The following FREM3 variants were observed in gnomAD, a reference collection of about 807,000 sequenced individuals.
FREM3 encodes FRAS1-related extracellular matrix protein 3.
In FREM3, 105 loss-of-function variants were observed where a neutral mutation model predicts 129.1. The ratio of observed to expected loss-of-function variants is 0.81; its 90% CI spans 0.69 to 0.96. The LOEUF is 0.96. Among genes scored for constraint, FREM3 ranks in the 40% least tolerant of loss-of-function variants. The pLI is 0.00. For synonymous variants in FREM3, 1,014 were observed against 1,044.9 expected, an observed-to-expected ratio of 0.97 and a Z score of 0.57; for missense variants, 2,593 against 2,666.3, an observed-to-expected ratio of 0.97 and a Z score of 0.61.
rs1194032908 is a variant in FREM3, at chr4:143,698,102, G to A, written c.2574C>T (p.Asp858=). 2.0e-6 allele frequency: 3 copies of A among 1,537,320 alleles called. No homozygotes were observed. Among genetic ancestry groups the A allele is most frequent in the African/African-American group, 1.4e-5 (1 of 73,050 alleles). The change falls in exon 1 of 8, where the codon GAC becomes GAT. Residue 858 remains aspartate, a synonymous_variant. Transcript: ENST00000329798. ...SSNELHVTDP[D]TDIDQIVFIL... is the part of the protein sequence containing the mutation. ...TGAAGACAATTTGGTCAATGTCTGT[G>A]TCTGGGTCTGTAACATGCAGCTCAT...
In FREM3 at chr4:143,577,749, G is replaced by A. The variant is rs1738065860; in HGVS notation, c.6282C>T (p.Thr2094=). 2.6e-6 allele frequency: 4 copies of A among 1,537,330 alleles called. No homozygotes were observed. The highest frequency in any genetic ancestry group is 2.6e-6 in the Non-Finnish European group (3 of 1,146,918). The change falls in exon 8 of 8, where the codon ACC becomes ACT. Residue 2094 remains threonine, a synonymous_variant. Transcript: ENST00000329798. ...ATTCAAACTTCTCTGGGCCTTCCAAGGTAGGCTGTCCCAGGTCATCAAGGA... is the reference window on the plus strand; with the variant it reads ...ATTCAAACTTCTCTGGGCCTTCCAAAGTAGGCTGTCCCAGGTCATCAAGGA... ...VTILDDLGQP[T]LEGPEKFELL...
Position 143,698,768 on chromosome 4 carries a change from C to T in FREM3, c.1908G>A (p.Gly636=), listed in dbSNP as rs72940301. 30,600 of 1,537,436 alleles carry T rather than the reference C, an allele frequency of 0.02. 2,425 individuals are homozygous for T. The highest frequency in any genetic ancestry group is 0.19 in the African/African-American group (14,067 of 73,076). ...ACTCAGTCACCACTTTCTCATAAAGCCCTTCCTTTTCCATGTAGTGCCAGT... is the reference window on the plus strand; with the variant it reads ...ACTCAGTCACCACTTTCTCATAAAGTCCTTCCTTTTCCATGTAGTGCCAGT... The part of the protein sequence containing the change: ...DEDWHYMEKE[G]LYEKVVTEWL... Residue 636 remains glycine (G), a synonymous_variant, in exon 1 of 8, where the codon GGG becomes GGA. Coordinates refer to ENST00000329798, the MANE Select transcript of FREM3 (RefSeq NM_001168235.2).
chr4:143,581,192 C>T (rs1249801224), intron 7 of FREM3, among the ~76,000 whole-genome samples: 1 of 152,204 alleles, frequency 6.6e-6, no homozygotes, highest in Admixed American at 6.5e-5. Flanking sequence ...TGGGTAGGGC[C>T]TCTTGATCTG....
chr4:143,698,273 C>G lies in FREM3; in HGVS notation c.2403G>C (p.Gln801His). The change falls in exon 1 of 8, where the codon CAG (glutamine) becomes CAC (histidine). Residue 801 changes from glutamine (Q) to histidine (H), a missense_variant. Physicochemically the swap from Gln to His is conservative, Grantham distance 24. Transcript: ENST00000329798. ...CAGCATCTTCCACCTGGTAAGTAAA[C>G]TGCACAACCCGTGGTGCAATACCCA... ...QKLGIAPRVVQFTYQVEDAAG... is the reference protein window; with the variant it reads ...QKLGIAPRVVHFTYQVEDAAG... 6.5e-7 allele frequency: 1 copy of G among 1,537,632 alleles called. No individual in the cohort carries two copies.
chr4:143,699,740 C>T lies in FREM3; in HGVS notation c.936G>A (p.Thr312=), dbSNP rs745584162. 9.0e-5 allele frequency: 136 copies of T among 1,518,876 alleles called. No individual in the cohort carries two copies. Among genetic ancestry groups the T allele is most frequent in the Non-Finnish European group, 8.0e-5 (91 of 1,136,512 alleles). The allele number at this position is 1,518,876 out of a possible 1,614,324, so 94.1% of individuals were successfully genotyped here. ...NTPPRPSFMA[T]MMMEVDPLVL... ...CCAGTGGATCCACCTCCATCATCATCGTGGCCATGAAGCTGGGCCTGGGCG... is the reference window on the plus strand; with the variant it reads ...CCAGTGGATCCACCTCCATCATCATTGTGGCCATGAAGCTGGGCCTGGGCG... Residue 312 remains threonine, a synonymous_variant, in exon 1 of 8, where the codon ACG becomes ACA. Transcript: ENST00000329798. This position sits in a 1 kb window ranked among gnomAD's most constrained non-coding sequence, Gnocchi z 4.2.
chr4:143,641,097 T>C (rs1376229597), intron 2 of FREM3, among the ~76,000 whole-genome samples: 1 of 152,116 alleles, frequency 6.6e-6, no homozygotes, highest in African/African-American at 2.4e-5. Context: ...CTTATACACA[T>C]AGCAGACAGC....
At chr4:143,581,940 G>T (rs1215338194) in intron 7 of FREM3, among the ~76,000 whole-genome samples, 1 of 152,116 alleles carries the variant, frequency 6.6e-6, no homozygotes, top group African/African-American at 2.4e-5. Flanking sequence ...CACACCTCCA[G>T]CTCTTAGCTG....
chr4:143,637,033 T>C (rs961862192), intron 2 of FREM3, among the ~76,000 whole-genome samples: 3 of 152,186 alleles, frequency 2.0e-5, no homozygotes, highest in African/African-American at 7.2e-5. Flanking sequence ...AGCATTTAGC[T>C]TCTACAGCTC....
At chr4:143,677,423 C>A (rs1740157485) in intron 2 of FREM3, among the ~76,000 whole-genome samples, 1 of 152,062 alleles carries the variant, frequency 6.6e-6, no homozygotes, top group African/African-American at 2.4e-5. Flanking sequence ...AATGTTAAAC[C>A]AAAAGCCATA....
At chr4:143,680,718 A>T (rs1042705057) in intron 2 of FREM3, among the ~76,000 whole-genome samples, 1 of 152,144 alleles carries the variant, frequency 6.6e-6, no homozygotes, top group East Asian at 1.9e-4. Flanking sequence ...CATGGATCTC[A>T]TAATTTGACT....
At chr4:143,617,220 G>T (rs888249279) in intron 5 of FREM3, among the ~76,000 whole-genome samples, 1 of 152,080 alleles carries the variant, frequency 6.6e-6, no homozygotes, top group Non-Finnish European at 1.5e-5. Flanking sequence ...AGAGTTTTCA[G>T]TTGGGCTGAT....
chr4:143,634,332 A>G (rs1275879082), intron 2 of FREM3, among the ~76,000 whole-genome samples: 3 of 152,112 alleles, frequency 2.0e-5, no homozygotes, highest in Non-Finnish European at 4.4e-5. Flanking sequence ...CTAAATATAT[A>G]TTGTACAATC....
In FREM3 at chr4:143,624,224, A is replaced by G; in HGVS notation, c.5537T>C (p.Ile1846Thr). 3 of 1,535,978 alleles carry G rather than the reference A, an allele frequency of 2.0e-6. No individual in the cohort carries two copies. Among genetic ancestry groups the G allele is most frequent in the South Asian group, 1.2e-5 (1 of 84,044 alleles). The change falls in exon 4 of 8, where the codon ATA becomes ACA. Residue 1846 changes from isoleucine (I) to threonine (T), a missense_variant. Transcript: ENST00000329798. ...QTTATWRVRI[I>T]PDNEYETSET... ...TGAAGTCTCATATTCATTGTCAGGT[A>G]TAATTCTCACCCTCCATGTGGCTGT...
intron 2 of FREM3, among the ~76,000 whole-genome samples, chr4:143,664,932 C>T (rs561789148): frequency 6.6e-6 from 1 of 152,140 alleles, no homozygotes; most frequent in East Asian, 1.9e-4. Context: ...GTTTTTTAAG[C>T]CCGTCGGAAA....
intron 1 of FREM3, among the ~76,000 whole-genome samples, chr4:143,693,991 T>C (rs1740521534): frequency 6.6e-6 from 1 of 152,118 alleles, no homozygotes; most frequent in South Asian, 2.1e-4. Context: ...CAGTGGTGTT[T>C]TCTTGAGGGT....
chr4:143,616,622 TA>T (rs997086880), intron 5 of FREM3, among the ~76,000 whole-genome samples: 38 of 151,744 alleles, frequency 2.5e-4, no homozygotes, highest in South Asian at 2.1e-3. Flanking sequence ...CCGTCTCTAC[TA>T]AAAAAATACA....
intron 6 of FREM3, among the ~76,000 whole-genome samples, chr4:143,603,452 G>C (rs192154099): frequency 1.3e-5 from 2 of 152,096 alleles, no homozygotes; most frequent in South Asian, 4.1e-4. Flanking sequence ...TCTCCCAGTT[G>C]TCTCTGATTA....
intron 2 of FREM3, among the ~76,000 whole-genome samples, chr4:143,669,864 T>A (rs1341018672): frequency 3.3e-5 from 5 of 152,144 alleles, no homozygotes; most frequent in African/African-American, 1.2e-4. Flanking sequence ...GTTACATGGG[T>A]ATATTGCAGC....
In FREM3 at chr4:143,611,326, GCTCCCAGCTGTC is replaced by G. The variant is rs758355922; in HGVS notation, c.5969_5980del (p.Gly1990_Gly1993del). 7.4e-5 allele frequency: 113 copies of G among 1,537,042 alleles called. 1 individual carries two copies. In the South Asian group the frequency reaches 1.3e-3, roughly 17 times the overall value. On this transcript the variant is annotated inframe_deletion, in exon 6 of 8. Coordinates refer to ENST00000329798, the MANE Select transcript of FREM3 (RefSeq NM_001168235.2). ...AGTCACCTTAGTGGTGGGGAATCTGGCTCCCAGCTGTCCTCCCACTGGCAGCCTAAGTGAAAC... is the reference window on the plus strand; with the variant it reads ...AGTCACCTTAGTGGTGGGGAATCTGGCTCCCACTGGCAGCCTAAGTGAAAC...
Sources: allele counts gnomAD v4.1 joint callset (sites outside exome capture counted in the v4.1 genomes callset), GRCh38; gene constraint gnomAD v4.1.1; non-coding constraint Gnocchi (gnomAD v3.1); transcripts MANE v1.5; gene names NCBI Gene and HGNC (gene_info 2026-07-23, HGNC 2026-07-21).